The following NRCAM variants were observed in gnomAD, a reference collection of about 807,000 sequenced individuals.
NRCAM encodes NgCAM-related cell adhesion molecule.
NRCAM carries 83 observed loss-of-function variants against 156.5 expected under a neutral mutation model. The ratio of observed to expected loss-of-function variants is 0.53; its 90% CI spans 0.44 to 0.64. The LOEUF is 0.64. Among genes scored for constraint, NRCAM ranks in the 30% least tolerant of loss-of-function variants. The probability of loss-of-function intolerance (pLI) is 0.00; values close to 1 mark genes in which losing one functional copy is unlikely to be tolerated. For synonymous variants in NRCAM, 538 were observed against 563.9 expected, an observed-to-expected ratio of 0.95 and a Z score of 0.65; for missense variants, 1,417 against 1,597.3, an observed-to-expected ratio of 0.89 and a Z score of 1.92.
At chr7:108,159,164 C>A in intron 32 of NRCAM, 1 of 511,780 alleles carries the variant, frequency 2.0e-6, no homozygotes, top group Non-Finnish European at 3.6e-6. Context: ...TTTTAATGCT[C>A]ATAGTAGCAT....
At chr7:108,183,379 T>A (rs1012606960) in intron 22 of NRCAM, among the ~76,000 whole-genome samples, 1 of 142,116 alleles carries the variant, frequency 7.0e-6, no homozygotes, top group East Asian at 2.2e-4. Flanking sequence ...TATGTACATA[T>A]ATGTATACAT....
At chr7:108,236,169 A>C (rs1226940073) in intron 5 of NRCAM, among the ~76,000 whole-genome samples, 5 of 152,152 alleles carry the variant, frequency 3.3e-5, no homozygotes, top group Non-Finnish European at 7.4e-5. Flanking sequence ...GCTAGAGCTA[A>C]ATGTATCACC....
rs1311476963 is a variant in NRCAM, at chr7:108,182,850, T to G, written c.2375A>C (p.Asp792Ala). Reference sequence around the variant, plus strand: ...CACAACCACAGATGTCCATTCATCATCACCATCTTTCTGGCGCCAGCTAAC... The same window carrying G: ...CACAACCACAGATGTCCATTCATCAGCACCATCTTTCTGGCGCCAGCTAAC... The part of the protein sequence containing the change: ...YKVSWRQKDG[D>A]DEWTSVVVAN... Residue 792 changes from aspartate to alanine, a missense_variant, in exon 23 of 33, where the codon GAT becomes GCT. Physicochemically the swap from Asp to Ala is moderately radical, Grantham distance 126. Around this residue, in one of 2 missense-constraint regions of NRCAM, gnomAD observed 1,238 missense variants for 1,336.4 expected, o/e 0.93. Coordinates refer to ENST00000379028, the MANE Select transcript of NRCAM (RefSeq NM_001037132.4). 6 of 1,614,114 alleles carry G rather than the reference T, an allele frequency of 3.7e-6. No individual in the cohort carries two copies. Among genetic ancestry groups the G allele is most frequent in the African/African-American group, 1.3e-5 (1 of 74,944 alleles).
intron 2 of NRCAM, among the ~76,000 whole-genome samples, chr7:108,385,095 T>C (rs967726676): frequency 7.2e-5 from 11 of 152,176 alleles, no homozygotes; most frequent in African/African-American, 2.4e-4. Flanking sequence ...AGCAAGTGCT[T>C]TGTACTCTAA....
intron 2 of NRCAM, among the ~76,000 whole-genome samples, chr7:108,395,147 CA>C (rs1417162607): frequency 6.6e-6 from 1 of 152,096 alleles, no homozygotes; most frequent in Non-Finnish European, 1.5e-5. Context: ...GTCATTAATC[CA>C]TATTATGCTG....
At chr7:108,446,759 G>C (rs188365207) in intron 1 of NRCAM, among the ~76,000 whole-genome samples, 27 of 139,206 alleles carry the variant, frequency 1.9e-4, no homozygotes, top group African/African-American at 6.6e-4. Flanking sequence ...ATGGAGTCTC[G>C]CTGTGTTGCC....
intron 3 of NRCAM, among the ~76,000 whole-genome samples, chr7:108,274,513 A>G (rs2097516941): frequency 6.6e-6 from 1 of 152,074 alleles, no homozygotes; most frequent in Non-Finnish European, 1.5e-5. Context: ...TGTGAATGGG[A>G]GTTCACTCAT....
chr7:108,246,884 T>C (rs1230843741), intron 3 of NRCAM, among the ~76,000 whole-genome samples: 1 of 152,230 alleles, frequency 6.6e-6, no homozygotes, highest in African/African-American at 2.4e-5. Flanking sequence ...ACTCTCACAA[T>C]GGCTGTGGGC....
At chr7:108,170,818 G>A (rs1412414753) in intron 28 of NRCAM, among the ~76,000 whole-genome samples, 1 of 152,110 alleles carries the variant, frequency 6.6e-6, no homozygotes, top group African/African-American at 2.4e-5. Context: ...TAGAGAACGA[G>A]TGTAGAATAG....
chr7:108,172,617 T>C (rs561205565), intron 28 of NRCAM, among the ~76,000 whole-genome samples: 29 of 152,090 alleles, frequency 1.9e-4, no homozygotes, highest in African/African-American at 6.5e-4. Flanking sequence ...GACATAGAAA[T>C]TGAAAAAATA....
intron 2 of NRCAM, among the ~76,000 whole-genome samples, chr7:108,322,652 C>T (rs1331244995): frequency 1.3e-5 from 2 of 151,956 alleles, no homozygotes; most frequent in South Asian, 2.1e-4. Flanking sequence ...GTAGTGTCAG[C>T]GGAGGAGAGT....
chr7:108,231,774 T>C (rs986822836), intron 7 of NRCAM, among the ~76,000 whole-genome samples: 1 of 152,202 alleles, frequency 6.6e-6, no homozygotes, highest in Non-Finnish European at 1.5e-5. Context: ...AACGAACATG[T>C]ATTATACATG....
chr7:108,410,420 A>T (rs1793986841), intron 1 of NRCAM, among the ~76,000 whole-genome samples: 1 of 152,190 alleles, frequency 6.6e-6, no homozygotes, highest in African/African-American at 2.4e-5. Context: ...GAAATGTGAG[A>T]GTGCTCCTTA....
intron 2 of NRCAM, among the ~76,000 whole-genome samples, chr7:108,324,566 C>T (rs1321199478): frequency 6.6e-6 from 1 of 152,148 alleles, no homozygotes; most frequent in Non-Finnish European, 1.5e-5. Context: ...TCTGTAAAGA[C>T]ACCTGCTTTT....
chr7:108,198,593 GAA>G (rs899713602), intron 13 of NRCAM, among the ~76,000 whole-genome samples: 1 of 151,856 alleles, frequency 6.6e-6, no homozygotes, highest in Non-Finnish European at 1.5e-5. Context: ...TTATTTAGGA[GAA>G]AAAAAGTTAA....
intron 3 of NRCAM, among the ~76,000 whole-genome samples, chr7:108,263,736 A>C (rs997640566): frequency 2.6e-5 from 4 of 152,248 alleles, no homozygotes; most frequent in Non-Finnish European, 5.9e-5. Flanking sequence ...TTAATCAGAA[A>C]GCTAATTTTC....
At chr7:108,198,899 T>A (rs921186591) in intron 13 of NRCAM, among the ~76,000 whole-genome samples, 1 of 152,198 alleles carries the variant, frequency 6.6e-6, no homozygotes, top group African/African-American at 2.4e-5. Flanking sequence ...TAGAACTGGC[T>A]GGGTAACACA....
intron 2 of NRCAM, among the ~76,000 whole-genome samples, chr7:108,343,857 A>G (rs1594374116): frequency 6.6e-6 from 1 of 152,182 alleles, no homozygotes; most frequent in East Asian, 1.9e-4. Flanking sequence ...ATACATTTCA[A>G]TCACCATACA....
intron 15 of NRCAM, among the ~76,000 whole-genome samples, chr7:108,195,155 C>T (rs997473486): frequency 3.9e-5 from 6 of 152,056 alleles, no homozygotes; most frequent in Non-Finnish European, 8.8e-5. Context: ...CTCACAAAAT[C>T]CCAGGGGATG....
Sources: gnomAD v4.1 joint callset for allele counts (sites outside exome capture counted in the v4.1 genomes callset) on GRCh38, gnomAD v4.1.1 for gene constraint, gnomAD v4.1.1 regional missense constraint, MANE v1.5 for transcripts, NCBI Gene and HGNC (gene_info 2026-07-23, HGNC 2026-07-21) for gene names.